The following PATL1 variants were observed in gnomAD, a reference collection of about 807,000 sequenced individuals.
PATL1 encodes PAT1 homolog 1, processing body mRNA decay factor, also known as protein PAT1 homolog 1.
In PATL1, 32 loss-of-function variants were observed where a neutral mutation model predicts 100.6. The observed-to-expected ratio is 0.32, with a 90% CI of 0.24 to 0.43. PATL1 has a LOEUF of 0.43. Among genes scored for constraint, PATL1 ranks in the 20% least tolerant of loss-of-function variants. The pLI is 1.00. For missense variants in PATL1, 747 were observed against 949.9 expected, an observed-to-expected ratio of 0.79 and a Z score of 2.81; for synonymous variants, 332 against 330.0, an observed-to-expected ratio of 1.01 and a Z score of -0.07.
chr11:59,658,931 G>T lies in PATL1; in HGVS notation c.361C>A (p.Leu121Met), dbSNP rs1159923662. 4 of 1,550,016 alleles carry T rather than the reference G, an allele frequency of 2.6e-6. No individual in the cohort carries two copies. Among genetic ancestry groups the T allele is most frequent in the Non-Finnish European group, 3.5e-6 (4 of 1,146,642 alleles). ...GATCCATCCCAGATACTGGAATTCA[G>T]ACTTCCTGGTTGGGGCTAACAAAAA... Reference protein sequence around the residue: ...RPVLQPQPGSLNSSIWDGSEV... With the variant: ...RPVLQPQPGSMNSSIWDGSEV... Residue 121 changes from leucine to methionine, a missense_variant, in exon 4 of 19, where the codon CTG (leucine) becomes ATG (methionine). Around this residue, in one of 4 missense-constraint regions of PATL1, gnomAD observed 183 missense variants for 221.2 expected, o/e 0.83. Transcript: ENST00000300146.
chr11:59,652,344 T>C (rs1244153385), intron 11 of PATL1, 120 bp downstream of exon 11: 1 of 1,383,460 alleles, frequency 7.2e-7, no homozygotes, highest in African/African-American at 1.5e-5. Flanking sequence ...AATGGTACTT[T>C]TAAAATCACT....
At chr11:59,658,361 A>C (rs1038198390) in intron 4 of PATL1, among the ~76,000 whole-genome samples, 4 of 151,136 alleles carry the variant, frequency 2.6e-5, no homozygotes, top group African/African-American at 9.7e-5. Flanking sequence ...TCTGTTGCCC[A>C]GGCTGGAGTG....
At chr11:59,668,437 A>C (rs1029822773) in intron 1 of PATL1, among the ~76,000 whole-genome samples, 1 of 152,112 alleles carries the variant, frequency 6.6e-6, no homozygotes, top group Non-Finnish European at 1.5e-5. Context: ...AGCCTGTGTG[A>C]ATGGGATGTG....
Position 59,663,436 on chromosome 11 carries a change from G to A in PATL1, c.127+3417C>T, listed in dbSNP as rs138042805. 1.5e-3 allele frequency among the ~76,000 whole-genome samples: 221 copies of A among 152,238 alleles called. 1 individual carries two copies. The highest frequency in any genetic ancestry group is 5.1e-3 in the African/African-American group (212 of 41,558). ...TGATTCCTTCCAAGTGGAGGCAGGA[G>A]ATTTCCAAAGACTCCCCCAAAACTA... On this transcript the variant is annotated intron_variant, in intron 2 of 18. Transcript: ENST00000300146.
chr11:59,653,497 C>G (rs1861476226), intron 9 of PATL1, among the ~76,000 whole-genome samples: 1 of 152,160 alleles, frequency 6.6e-6, no homozygotes, highest in Non-Finnish European at 1.5e-5. Context: ...CAAATACTAT[C>G]ATAAATATCC....
intron 13 of PATL1, among the ~76,000 whole-genome samples, chr11:59,650,479 T>C (rs1438428198): frequency 1.3e-5 from 2 of 152,232 alleles, no homozygotes; most frequent in African/African-American, 4.8e-5. Context: ...AAAGGTGACT[T>C]GCCCAGACAC....
chr11:59,651,957 C>T (rs2134748543), intron 11 of PATL1, among the ~76,000 whole-genome samples: 1 of 148,718 alleles, frequency 6.7e-6, no homozygotes, highest in South Asian at 2.1e-4. Context: ...CCCAGCTACT[C>T]AGGAGGGTGA....
In PATL1 at chr11:59,668,932, G is replaced by T. The variant is rs1431182071; in HGVS notation, c.-37C>A. On this transcript the variant is annotated 5_prime_UTR_variant, in exon 1 of 19. Transcript: ENST00000300146. The stretch of plus-strand genomic sequence containing the variant: ...GGGGCAGGGAGCGGGGAGGGGAGAG[G>T]GGGAGGGAGGGAAGAAGCGCTGACT... The T allele has an allele frequency of 4.6e-6, 2 of 436,626 alleles. No homozygotes were observed. Among genetic ancestry groups the T allele is most frequent in the Non-Finnish European group, 8.2e-6 (2 of 245,258 alleles). The allele number at this position is 436,626 out of a possible 1,614,324, so 27.0% of individuals were successfully genotyped here. A position where few individuals can be genotyped will look rare whatever the true frequency, so the allele number is the denominator to read the frequency against.
intron 2 of PATL1, among the ~76,000 whole-genome samples, chr11:59,666,598 G>C (rs149186182): frequency 1.3e-5 from 2 of 152,220 alleles, no homozygotes; most frequent in African/African-American, 4.8e-5. Flanking sequence ...GCAACCTGTA[G>C]TCATCGATCA....
chr11:59,638,428 G>C lies in PATL1; in HGVS notation c.2292-17C>G. On this transcript the variant is annotated splice_polypyrimidine_tract_variant and intron_variant, in intron 18 of 18. Coordinates refer to ENST00000300146, the MANE Select transcript of PATL1 (RefSeq NM_152716.3). ...TGAACTAGCCTAGGAGTACAAAGGA[G>C]AGAAAGGAAAATTGTATAAATGAGT... The C allele has an allele frequency of 6.2e-7, 1 of 1,606,184 alleles. No individual in the cohort carries two copies.
chr11:59,666,827 T>C lies in PATL1; in HGVS notation c.127+26A>G, dbSNP rs146865843. 7.7e-4 allele frequency: 1,189 copies of C among 1,544,676 alleles called. 6 individuals are homozygous for C. The African/African-American group carries it at 0.014, about 18-fold the overall frequency. On this transcript the variant is annotated intron_variant, in intron 2 of 18. Coordinates refer to ENST00000300146, the MANE Select transcript of PATL1 (RefSeq NM_152716.3). ...TGAAAAGAGCAGGAGGCTAAGATGATATTATAAGCGAAAGATGTCACTTAC... is the reference window on the plus strand; with the variant it reads ...TGAAAAGAGCAGGAGGCTAAGATGACATTATAAGCGAAAGATGTCACTTAC...
rs1475439295 is a variant in PATL1 at position 59,655,659 on chromosome 11, T to C, written c.895A>G (p.Lys299Glu). The C allele has an allele frequency of 6.2e-7, 1 of 1,604,216 alleles. No homozygotes were observed. Reference protein sequence around the residue: ...VGSPLAAMNPKLLQGRVGQML... With the variant: ...VGSPLAAMNPELLQGRVGQML... ...TGCCCAACTCGCCCTTGTAGCAACT[T>C]GGGATTCATGGCAGCAAGTGGACTA... Residue 299 changes from lysine to glutamate, a missense_variant, in exon 8 of 19, where the codon AAG becomes GAG. Transcript: ENST00000300146.
chr11:59,664,195 C>T (rs1156349314), intron 2 of PATL1, among the ~76,000 whole-genome samples: 2 of 152,156 alleles, frequency 1.3e-5, no homozygotes, highest in Non-Finnish European at 1.5e-5. Flanking sequence ...ACTGTGTAAA[C>T]CTAATGGCTT....
chr11:59,649,343 A>T, intron 14 of PATL1, 119 bp downstream of exon 14: 2 of 1,004,916 alleles, frequency 2.0e-6, no homozygotes, highest in Non-Finnish European at 2.9e-6. Flanking sequence ...CTAAAAGGAT[A>T]GATTCTGAGC....
Position 59,642,876 on chromosome 11 carries a change from T to C in PATL1, c.2049+4A>G. 1 of 1,610,196 alleles carries C rather than the reference T, an allele frequency of 6.2e-7. No homozygotes were observed. Among genetic ancestry groups the C allele is most frequent in the Non-Finnish European group, 8.5e-7 (1 of 1,178,150 alleles). On this transcript the variant is annotated splice_donor_region_variant and intron_variant, in intron 16 of 18. Transcript: ENST00000300146. ...AGTTCAAGGAGTTAAAAGGGCAAGA[T>C]CACCTTGTTCTGGAGCACAGCAGTG...
intron 16 of PATL1, among the ~76,000 whole-genome samples, chr11:59,640,548 C>A (rs1861263345): frequency 1.3e-5 from 2 of 149,546 alleles, no homozygotes; most frequent in South Asian, 4.3e-4. Context: ...TGAAACCCTG[C>A]CTCTACTAAA....
At chr11:59,641,170 CA>C (rs903942198) in intron 16 of PATL1, among the ~76,000 whole-genome samples, 92 of 133,914 alleles carry the variant, frequency 6.9e-4, no homozygotes, top group Non-Finnish European at 6.1e-4. Flanking sequence ...GGCTCTGTCT[CA>C]AAAAAAAAAA....
chr11:59,668,834 G>T, intron 1 of PATL1, 47 bp downstream of exon 1: 3 of 1,248,408 alleles, frequency 2.4e-6, no homozygotes, highest in East Asian at 3.1e-5. Context: ...GTGAGGGAGA[G>T]GGGCGCGGGA....
chr11:59,662,875 A>G (rs1861644747), intron 2 of PATL1, among the ~76,000 whole-genome samples: 1 of 152,176 alleles, frequency 6.6e-6, no homozygotes, highest in African/African-American at 2.4e-5. Flanking sequence ...AATATTTTAA[A>G]AATATTGGTT....
Sources: allele counts gnomAD v4.1 joint callset (sites outside exome capture counted in the v4.1 genomes callset), GRCh38; gene constraint gnomAD v4.1.1; regional missense constraint gnomAD v4.1.1; transcripts MANE v1.5; gene names NCBI Gene and HGNC (gene_info 2026-07-23, HGNC 2026-07-21).